ANO3: variants seen among roughly 807,000 people sequenced by gnomAD.
ANO3 encodes the protein anoctamin 3.
In ANO3, 99 loss-of-function variants were observed where a neutral mutation model predicts 144.8. The observed-to-expected ratio is 0.68, with a 90% CI of 0.58 to 0.81. ANO3 has a LOEUF of 0.81. ANO3 is among the 30% of genes least tolerant of loss of function. The pLI, the probability that ANO3 is intolerant of heterozygous loss-of-function variation, is 0.00. For synonymous variants in ANO3, 414 were observed against 392.6 expected, an observed-to-expected ratio of 1.05 and a Z score of -0.64; for missense variants, 905 against 1,202.2, an observed-to-expected ratio of 0.75 and a Z score of 3.66.
At chr11:26,454,304 G>T (rs1161958179) in intron 3 of ANO3, among the ~76,000 whole-genome samples, 4 of 151,976 alleles carry the variant, frequency 2.6e-5, no homozygotes, top group Non-Finnish European at 5.9e-5. Flanking sequence ...TTTTTGAAAG[G>T]ATCAACAAAA....
chr11:26,212,821 C>T (rs1484782693), intron 1 of ANO3, among the ~76,000 whole-genome samples: 1 of 151,926 alleles, frequency 6.6e-6, no homozygotes, highest in Non-Finnish European at 1.5e-5. Context: ...GGCAAAGACA[C>T]AACAAAAAAA....
At chr11:26,534,656 T>G in intron 9 of ANO3, 94 bp downstream of exon 9, 1 of 786,754 alleles carries the variant, frequency 1.3e-6, no homozygotes, top group Non-Finnish European at 2.1e-6. Context: ...TTGCTTTAAT[T>G]CATTAAATAG....
chr11:26,417,761 C>G (rs74405820), intron 1 of ANO3, among the ~76,000 whole-genome samples: 4,794 of 151,964 alleles, frequency 0.032, 233 homozygotes, highest in African/African-American at 0.11. Context: ...GAAATTAAAA[C>G]TCAAGTTCTG....
chr11:26,658,411 CAA>C (rs58121160), intron 26 of ANO3, among the ~76,000 whole-genome samples: 35,453 of 95,272 alleles, frequency 0.37, 4,404 homozygotes, highest in South Asian at 0.51. Flanking sequence ...GTCAGGAGTT[CAA>C]GAGCAAAGAG....
intron 17 of ANO3, among the ~76,000 whole-genome samples, chr11:26,603,349 A>G (rs1851849443): frequency 1.3e-5 from 2 of 152,050 alleles, no homozygotes; most frequent in African/African-American, 4.8e-5. Context: ...ATTTGCTACA[A>G]TAAGCTTATA....
At chr11:26,488,136 AG>A (rs1860539988) in intron 4 of ANO3, among the ~76,000 whole-genome samples, 1 of 152,194 alleles carries the variant, frequency 6.6e-6, no homozygotes, top group Non-Finnish European at 1.5e-5. Context: ...ACTGCACTCC[AG>A]CCTGACAACA....
intron 1 of ANO3, among the ~76,000 whole-genome samples, chr11:26,430,153 C>T (rs7107960): frequency 6.6e-6 from 1 of 151,334 alleles, no homozygotes; most frequent in Non-Finnish European, 1.5e-5. Flanking sequence ...CCCAGCTACT[C>T]GAGAGGGTGA....
intron 1 of ANO3, among the ~76,000 whole-genome samples, chr11:26,198,612 G>A (rs1420559438): frequency 6.6e-6 from 1 of 152,148 alleles, no homozygotes; most frequent in East Asian, 1.9e-4. Flanking sequence ...TTATCACAAA[G>A]CATTCATTCG....
chr11:26,593,674 C>T (rs1480855069), intron 14 of ANO3, among the ~76,000 whole-genome samples: 1 of 152,160 alleles, frequency 6.6e-6, no homozygotes, highest in Non-Finnish European at 1.5e-5. Context: ...CAGTGATTCC[C>T]TTCACATAAG....
intron 1 of ANO3, among the ~76,000 whole-genome samples, chr11:26,374,357 G>A (rs991829444): frequency 6.6e-6 from 1 of 152,166 alleles, no homozygotes; most frequent in East Asian, 1.9e-4. Flanking sequence ...TTGTAGTCCT[G>A]TATAGGTCTT....
chr11:26,649,691 C>T (rs1200103628), intron 24 of ANO3, among the ~76,000 whole-genome samples: 2 of 151,638 alleles, frequency 1.3e-5, no homozygotes, highest in African/African-American at 4.8e-5. Context: ...GAGCCAAGAC[C>T]GCGCCATTGC....
chr11:26,311,057 A>G (rs12792333), intron 1 of ANO3, among the ~76,000 whole-genome samples: 2,021 of 152,326 alleles, frequency 0.013, 23 homozygotes, highest in Non-Finnish European at 0.021. Context: ...TTCATACTCA[A>G]AGAAAGGTGG....
Position 26,451,268 on chromosome 11 carries a change from G to A in ANO3, c.313+7432G>A, listed in dbSNP as rs987094406. Among the ~76,000 whole-genome samples, 6 of 152,316 alleles carry A rather than the reference G, an allele frequency of 3.9e-5. No homozygotes were observed. In the East Asian group the frequency reaches 7.8e-4, roughly 20 times the overall value. On this transcript the variant is annotated intron_variant, in intron 3 of 26. Transcript: ENST00000256737. ...GGGTGCAGTGCACCCTGCATGAGCC[G>A]AAGCAGGGCAAGGCATTGCCTCACT... is the stretch of plus-strand genomic sequence containing the variant.
At chr11:26,611,970 G>C (rs1463858906) in intron 17 of ANO3, among the ~76,000 whole-genome samples, 2 of 151,886 alleles carry the variant, frequency 1.3e-5, no homozygotes, top group East Asian at 3.9e-4. Flanking sequence ...CTTTTTCCAT[G>C]CCTTCACTTT....
At chr11:26,243,019 A>G (rs977402009) in intron 1 of ANO3, among the ~76,000 whole-genome samples, 1 of 152,248 alleles carries the variant, frequency 6.6e-6, no homozygotes, top group East Asian at 1.9e-4. Context: ...TTTGCCCCCA[A>G]ATACTCTGAT....
chr11:26,440,421 AG>A (rs1348584062), intron 1 of ANO3, among the ~76,000 whole-genome samples: 1 of 152,204 alleles, frequency 6.6e-6, no homozygotes, highest in East Asian at 1.9e-4. Context: ...AATAAGCAAA[AG>A]AGTAGTGTTA....
At chr11:26,572,539 G>A (rs1291678756) in intron 14 of ANO3, among the ~76,000 whole-genome samples, 2 of 152,014 alleles carry the variant, frequency 1.3e-5, no homozygotes, top group African/African-American at 4.8e-5. Context: ...GTTGCTCTAT[G>A]CCAGCCGCAC....
At chr11:26,226,504 T>C (rs1852260154) in intron 1 of ANO3, among the ~76,000 whole-genome samples, 1 of 152,076 alleles carries the variant, frequency 6.6e-6, no homozygotes, top group African/African-American at 2.4e-5. Flanking sequence ...TTAAAACATT[T>C]TTATATTTCC....
Position 26,660,500 on chromosome 11 carries a change from C to A in ANO3, c.*56C>A. ...CATTAATGGGAAGAAATGATGGCAA[C>A]TTTGAATGCTAGGTGAAATCTAGGA... On this transcript the variant is annotated 3_prime_UTR_variant, in exon 27 of 27. Transcript: ENST00000256737. 6.7e-7 allele frequency: 1 copy of A among 1,490,588 alleles called. No homozygotes were observed. The highest frequency in any genetic ancestry group is 9.0e-7 in the Non-Finnish European group (1 of 1,108,962). 92.3% of individuals were successfully genotyped at this position (1,490,588 alleles called of 1,614,324 possible).
Sources: gnomAD v4.1 joint callset for allele counts (sites outside exome capture counted in the v4.1 genomes callset) on GRCh38, gnomAD v4.1.1 for gene constraint, MANE v1.5 for transcripts, NCBI Gene and HGNC (gene_info 2026-07-23, HGNC 2026-07-21) for gene names.